CACNA1A: variants seen among roughly 807,000 people sequenced by gnomAD.
CACNA1A encodes calcium voltage-gated channel subunit alpha1 A, also known as voltage-dependent P/Q-type calcium channel subunit alpha-1A.
A neutral mutation model predicts 262.4 loss-of-function variants in CACNA1A; 57 were observed. That is an observed-to-expected ratio of 0.22 (90% CI 0.18 to 0.27). The LOEUF (loss-of-function observed/expected upper bound fraction) is 0.27, where lower values mean the gene tolerates loss of function less well. Among genes scored for constraint, CACNA1A ranks in the 10% least tolerant of loss-of-function variants. The pLI is 1.00. For missense variants in CACNA1A, 2,526 were observed against 3,562.8 expected (o/e 0.71, Z 7.41); for synonymous variants, 1,431 against 1,419.3 (o/e 1.01, Z -0.18).
At chr19:13,307,518 G>GCCA (rs2145000687) in intron 15 of CACNA1A, 1 of 402,542 alleles carries the variant, frequency 2.5e-6, no homozygotes, top group South Asian at 4.1e-5. Flanking sequence ...ACAGGTGTGA[G>GCCA]CCACCGTACC....
intron 5 of CACNA1A, among the ~76,000 whole-genome samples, chr19:13,360,444 C>G (rs948949829): frequency 2.6e-5 from 4 of 151,396 alleles, no homozygotes; most frequent in African/African-American, 9.7e-5. Context: ...TCCTCTGTAT[C>G]CCCTCCAAAC....
Position 13,298,978 on chromosome 19 carries a change from T to C in CACNA1A, c.2655A>G (p.Gly885=), listed in dbSNP as rs1057524746. ...AGLDARRPWA[G]SQEAELSREG... The stretch of plus-strand genomic sequence containing the variant: ...CCCGGCTCAGCTCGGCCTCCTGGCT[T>C]CCCGCCCAGGGCCTCCGTGCGTCCA... The change falls in exon 19 of 47, where the codon GGA becomes GGG. Residue 885 remains glycine (G), a synonymous_variant. Transcript: ENST00000360228. The C allele has an allele frequency of 1.9e-6, 3 of 1,583,286 alleles. No homozygotes were observed. In the Admixed American group the frequency reaches 5.2e-5, roughly 28 times the overall value.
At chr19:13,255,970 TTCCCTCCC>T (rs1169949389) in intron 28 of CACNA1A, among the ~76,000 whole-genome samples, 2 of 125,528 alleles carry the variant, frequency 1.6e-5, no homozygotes, top group African/African-American at 3.0e-5. Flanking sequence ...ATTTCCTTCC[TTCCCTCCC>T]TCCCTCCCTC....
At chr19:13,400,230 G>A (rs2059876399) in intron 3 of CACNA1A, among the ~76,000 whole-genome samples, 1 of 152,138 alleles carries the variant, frequency 6.6e-6, no homozygotes, top group African/African-American at 2.4e-5. Flanking sequence ...TCTCATGTGT[G>A]TGCATGCAAT....
intron 24 of CACNA1A, among the ~76,000 whole-genome samples, chr19:13,267,843 G>C (rs1294494900): frequency 6.6e-6 from 1 of 151,704 alleles, no homozygotes; most frequent in African/African-American, 2.4e-5. Context: ...TGCAGTAGCG[G>C]GATCTTGGCT....
intron 38 of CACNA1A, among the ~76,000 whole-genome samples, chr19:13,219,949 CAAA>C (rs751435539): frequency 1.6e-3 from 54 of 34,710 alleles, no homozygotes; most frequent in African/African-American, 3.2e-3. Context: ...GACTCCGTTT[CAAA>C]AAAAAAAAAA....
In CACNA1A at chr19:13,241,058, G is replaced by A. The variant is rs1166294655; in HGVS notation, c.4950+4124C>T. On this transcript the variant is annotated intron_variant, in intron 31 of 46. Coordinates refer to ENST00000360228, the MANE Select transcript of CACNA1A (RefSeq NM_001127222.2). The surrounding 1 kb of genome is among the most constrained non-coding windows in gnomAD (Gnocchi z 4.0). ...TCTTGTGGGCTTGAGATGGAGGATT[G>A]GGGACAGCAGGATGGAGAGAGCTGG... 6.6e-6 allele frequency among the ~76,000 whole-genome samples: 1 copy of A among 152,174 alleles called. No individual in the cohort carries two copies. The highest frequency in any genetic ancestry group is 2.4e-5 in the African/African-American group (1 of 41,446).
In CACNA1A at chr19:13,259,696, T is replaced by G; in HGVS notation, c.4256A>C (p.Lys1419Thr). Residue 1419 changes from lysine to threonine, a missense_variant, in exon 27 of 47, where the codon AAA (lysine) becomes ACA (threonine). Lys to Thr is a moderately conservative substitution (Grantham distance 78). This residue lies in a region of CACNA1A where 137 missense variants were observed against 377.7 expected (regional missense o/e 0.36). Transcript: ENST00000360228. The stretch of plus-strand genomic sequence containing the variant: ...CTCATTCTTCTCGTAGAGGAGGTAT[T>G]TGCCTCTGCCACAGAGAGTGGGGAC... ...SKEFEKDCRG[K>T]YLLYEKNEVK... 2 of 1,611,350 alleles carry G rather than the reference T, an allele frequency of 1.2e-6. No homozygotes were observed. The highest frequency in any genetic ancestry group is 1.7e-6 in the Non-Finnish European group (2 of 1,178,776).
intron 3 of CACNA1A, among the ~76,000 whole-genome samples, chr19:13,414,954 T>A (rs1387943114): frequency 1.3e-5 from 2 of 151,638 alleles, no homozygotes; most frequent in Non-Finnish European, 2.9e-5. Flanking sequence ...AAAAGAGAGA[T>A]CCTGTCTCAA....
At chr19:13,456,229 C>A (rs1437491727) in intron 1 of CACNA1A, among the ~76,000 whole-genome samples, 1 of 151,962 alleles carries the variant, frequency 6.6e-6, no homozygotes, top group Non-Finnish European at 1.5e-5. Flanking sequence ...AATGCATGAT[C>A]CACAGAAGAA....
In CACNA1A at chr19:13,457,419, G is replaced by A. The variant is rs573541759; in HGVS notation, c.294-2207C>T. Among the ~76,000 whole-genome samples the A allele has an allele frequency of 1.1e-4, 17 of 152,180 alleles. 1 individual carries two copies. The highest frequency in any genetic ancestry group is 3.1e-4 in the African/African-American group (13 of 41,496). ...AGGATCGTAAGACAGGTATTCCAAC[G>A]AACACTCATACACAAATATTCACAG... is the stretch of plus-strand genomic sequence containing the variant. On this transcript the variant is annotated intron_variant, in intron 1 of 46. Transcript: ENST00000360228.
In CACNA1A at chr19:13,214,664, T is replaced by C. The variant is rs2054934370; in HGVS notation, c.5732-56A>G. On this transcript the variant is annotated intron_variant, in intron 38 of 46. Coordinates refer to ENST00000360228, the MANE Select transcript of CACNA1A (RefSeq NM_001127222.2). This position sits in a 1 kb window ranked among gnomAD's most constrained non-coding sequence, Gnocchi z 4.1. Reference sequence around the variant, plus strand: ...GCCTGCCTGGGTGTCAGCTGGACTCTGGGTCAGCTGCAAAGCCATAGGCTC... The same window carrying C: ...GCCTGCCTGGGTGTCAGCTGGACTCCGGGTCAGCTGCAAAGCCATAGGCTC... The C allele has an allele frequency of 4.4e-6, 6 of 1,364,684 alleles. No homozygotes were observed. Among genetic ancestry groups the C allele is most frequent in the Non-Finnish European group, 6.2e-6 (6 of 965,156 alleles). The allele number at this position is 1,364,684 out of a possible 1,614,324, so 84.5% of individuals were successfully genotyped here. A position where few individuals can be genotyped will look rare whatever the true frequency, so the allele number is the denominator to read the frequency against.
intron 3 of CACNA1A, among the ~76,000 whole-genome samples, chr19:13,437,563 C>CA (rs2060632725): frequency 6.6e-6 from 1 of 151,632 alleles, no homozygotes; most frequent in Non-Finnish European, 1.5e-5. Flanking sequence ...TGGTGGCGTG[C>CA]TCCTGTAATC....
At chr19:13,268,235 G>A (rs1055090930) in intron 24 of CACNA1A, among the ~76,000 whole-genome samples, 1 of 152,114 alleles carries the variant, frequency 6.6e-6, no homozygotes, top group Non-Finnish European at 1.5e-5. Flanking sequence ...GAGCAAATGC[G>A]GGCCTGGGGA....
At chr19:13,279,300 G>A (rs1173781782) in intron 22 of CACNA1A, among the ~76,000 whole-genome samples, 1 of 152,060 alleles carries the variant, frequency 6.6e-6, no homozygotes, top group Non-Finnish European at 1.5e-5. Context: ...CTGTGGCTCA[G>A]TCTAATCCAA....
At chr19:13,376,688 TAA>T (rs1239475983) in intron 3 of CACNA1A, among the ~76,000 whole-genome samples, 1 of 147,414 alleles carries the variant, frequency 6.8e-6, no homozygotes, top group Non-Finnish European at 1.5e-5. Context: ...ACACTACACA[TAA>T]TATATGTTAC....
intron 2 of CACNA1A, among the ~76,000 whole-genome samples, chr19:13,453,587 TA>T (rs1252562628): frequency 6.6e-6 from 1 of 152,216 alleles, no homozygotes; most frequent in Non-Finnish European, 1.5e-5. Context: ...TGTAGATTGT[TA>T]AAGGTTTGGA....
intron 6 of CACNA1A, among the ~76,000 whole-genome samples, chr19:13,354,007 T>C (rs1004297960): frequency 6.6e-6 from 1 of 152,220 alleles, no homozygotes; most frequent in South Asian, 2.1e-4. Context: ...ACCATTTGCA[T>C]CTGTCTCTCC....
At chr19:13,487,467 AT>A (rs1980156399) in intron 1 of CACNA1A, among the ~76,000 whole-genome samples, 1 of 151,966 alleles carries the variant, frequency 6.6e-6, no homozygotes, top group African/African-American at 2.4e-5. Flanking sequence ...CAGACAGAAG[AT>A]TAGTAGTTGC....
Sources: gnomAD v4.1 joint callset for allele counts (sites outside exome capture counted in the v4.1 genomes callset) on GRCh38, gnomAD v4.1.1 for gene constraint, gnomAD v4.1.1 regional missense constraint, Gnocchi (gnomAD v3.1) non-coding constraint, MANE v1.5 for transcripts, NCBI Gene and HGNC (gene_info 2026-07-23, HGNC 2026-07-21) for gene names.